PIP5K1B: variants seen among roughly 807,000 people sequenced by gnomAD.
PIP5K1B encodes phosphatidylinositol 4-phosphate 5-kinase type-1 beta.
PIP5K1B carries 42 observed loss-of-function variants against 67.0 expected under a neutral mutation model. That is an observed-to-expected ratio of 0.63 (90% CI 0.49 to 0.81). The LOEUF is 0.81. Among genes scored for constraint, PIP5K1B ranks in the 30% least tolerant of loss-of-function variants. The pLI is 0.00. For missense variants in PIP5K1B, 459 were observed against 646.3 expected (o/e 0.71, Z 3.14); for synonymous variants, 214 against 231.4 (o/e 0.92, Z 0.68).
chr9:68,762,778 C>G (rs1439613962), intron 2 of PIP5K1B, among the ~76,000 whole-genome samples: 1 of 152,108 alleles, frequency 6.6e-6, no homozygotes, highest in Non-Finnish European at 1.5e-5. Context: ...GTTTCAGCCA[C>G]TTAGTCACTT....
chr9:68,708,714 C>T (rs1322977904), intron 1 of PIP5K1B, among the ~76,000 whole-genome samples: 5 of 152,112 alleles, frequency 3.3e-5, no homozygotes, highest in African/African-American at 1.2e-4. Context: ...CTCGTGGTTT[C>T]AGAGGGGGAA....
At chr9:68,938,759 C>T (rs1242428656) in intron 13 of PIP5K1B, among the ~76,000 whole-genome samples, 4 of 152,094 alleles carry the variant, frequency 2.6e-5, no homozygotes. Context: ...GGGTGGAGAT[C>T]CCTGCTTCTT....
chr9:68,919,848 A>C, intron 11 of PIP5K1B, 119 bp downstream of exon 11: 2 of 584,670 alleles, frequency 3.4e-6, no homozygotes, highest in Admixed American at 3.3e-5. Context: ...CGGTCTTTAT[A>C]AACTCAGAAT....
intron 14 of PIP5K1B, among the ~76,000 whole-genome samples, chr9:68,944,536 C>A (rs1056988689): frequency 6.6e-6 from 1 of 152,210 alleles, no homozygotes; most frequent in Non-Finnish European, 1.5e-5. Flanking sequence ...GTGGCTATTT[C>A]TAACAGTTGG....
intron 6 of PIP5K1B, among the ~76,000 whole-genome samples, chr9:68,879,031 T>C (rs1824042915): frequency 6.6e-6 from 1 of 152,066 alleles, no homozygotes; most frequent in Admixed American, 6.6e-5. Context: ...TATTAAGAGA[T>C]AGGTCCAGGC....
At chr9:68,942,824 T>C (rs1827630716) in intron 14 of PIP5K1B, among the ~76,000 whole-genome samples, 1 of 152,214 alleles carries the variant, frequency 6.6e-6, no homozygotes, top group South Asian at 2.1e-4. Context: ...TATATTTCAC[T>C]ATCAATCAAG....
intron 6 of PIP5K1B, among the ~76,000 whole-genome samples, chr9:68,885,931 C>G (rs1294634316): frequency 2.0e-5 from 3 of 152,150 alleles, no homozygotes; most frequent in Non-Finnish European, 4.4e-5. Context: ...CCTGTAATCC[C>G]AGCACTTTGG....
intron 15 of PIP5K1B, among the ~76,000 whole-genome samples, chr9:68,998,412 C>T (rs991453390): frequency 4.6e-5 from 7 of 152,210 alleles, no homozygotes; most frequent in African/African-American, 9.6e-5. Flanking sequence ...TATTATTATA[C>T]ATCCAGGCGC....
intron 4 of PIP5K1B, among the ~76,000 whole-genome samples, chr9:68,830,295 C>T (rs1458402009): frequency 6.6e-6 from 1 of 152,172 alleles, no homozygotes; most frequent in Non-Finnish European, 1.5e-5. Context: ...CAGATCACCC[C>T]TCCAAACACT....
At chr9:68,718,709 AGT>A (rs903467048) in intron 1 of PIP5K1B, among the ~76,000 whole-genome samples, 10 of 152,328 alleles carry the variant, frequency 6.6e-5, no homozygotes, top group Admixed American at 1.3e-4. Flanking sequence ...TACAGAACAG[AGT>A]GTGTCTTTTA....
At chr9:68,720,828 A>G (rs1827847787) in intron 1 of PIP5K1B, among the ~76,000 whole-genome samples, 1 of 152,202 alleles carries the variant, frequency 6.6e-6, no homozygotes, top group Admixed American at 6.5e-5. Flanking sequence ...CGTGGCAGGA[A>G]ATCCTTAGAT....
At position 68,857,556 on chromosome 9, in the gene PIP5K1B, G is replaced by A. The variant is rs550203256; in HGVS notation, c.70-6281G>A. Among the ~76,000 whole-genome samples, 3 of 152,274 alleles carry A rather than the reference G, an allele frequency of 2.0e-5. No individual in the cohort carries two copies. In the East Asian group the frequency reaches 5.8e-4, roughly 29 times the overall value. Reference sequence around the variant, plus strand: ...GAGAGGAGGGAGAACCTGGAGCTGGGTTTGAGCTGTAGAAATGAAGGAACG... The same window carrying A: ...GAGAGGAGGGAGAACCTGGAGCTGGATTTGAGCTGTAGAAATGAAGGAACG... On this transcript the variant is annotated intron_variant, in intron 4 of 15. Transcript: ENST00000265382.
At chr9:68,884,194 A>G (rs181343142) in intron 6 of PIP5K1B, among the ~76,000 whole-genome samples, 65 of 152,312 alleles carry the variant, frequency 4.3e-4, no homozygotes, top group Non-Finnish European at 3.7e-4. Context: ...AAAGGAAACA[A>G]CAGAGTGAAG....
chr9:68,822,650 T>G lies in PIP5K1B; in HGVS notation c.36T>G (p.Pro12=), dbSNP rs1450568961. The part of the protein sequence containing the change: ...SSAAENGEAA[P]GKQNEEKTYK... Reference sequence around the variant, plus strand: ...CTGCTGAAAATGGAGAGGCAGCACCTGGAAAACAAAATGAAGAAAAAACCT... The same window carrying G: ...CTGCTGAAAATGGAGAGGCAGCACCGGGAAAACAAAATGAAGAAAAAACCT... Residue 12 remains proline, a synonymous_variant, in exon 4 of 16, where the codon CCT becomes CCG. Transcript: ENST00000265382. The G allele has an allele frequency of 6.2e-7, 1 of 1,613,450 alleles. No individual in the cohort carries two copies. The highest frequency in any genetic ancestry group is 1.3e-5 in the African/African-American group (1 of 75,036).
intron 2 of PIP5K1B, chr9:68,788,576 A>G (rs1239925997): frequency 3.8e-6 from 1 of 259,896 alleles, no homozygotes; most frequent in Non-Finnish European, 7.4e-6. Context: ...CTGGTTTGGA[A>G]TCTCCAATGT....
intron 2 of PIP5K1B, chr9:68,783,328 C>G (rs2132467314): frequency 6.0e-6 from 1 of 166,876 alleles, no homozygotes; most frequent in Non-Finnish European, 1.5e-5. Flanking sequence ...TTAAATATGT[C>G]ATGTACTTTT....
At chr9:68,874,397 G>A (rs1445185768) in intron 5 of PIP5K1B, among the ~76,000 whole-genome samples, 1 of 152,156 alleles carries the variant, frequency 6.6e-6, no homozygotes, top group Non-Finnish European at 1.5e-5. Context: ...CTGCTCTGCT[G>A]TGTGTACATG....
At chr9:68,955,811 C>T (rs2132713270) in intron 14 of PIP5K1B, among the ~76,000 whole-genome samples, 1 of 152,140 alleles carries the variant, frequency 6.6e-6, no homozygotes, top group East Asian at 1.9e-4. Context: ...TTATGACTAC[C>T]ATTAATTCAT....
chr9:68,882,809 T>TTA (rs1371759273), intron 6 of PIP5K1B, among the ~76,000 whole-genome samples: 1 of 152,176 alleles, frequency 6.6e-6, no homozygotes, highest in Admixed American at 6.5e-5. Context: ...GTCCACACCT[T>TTA]TATATTCCAG....
Sources: allele counts gnomAD v4.1 joint callset (sites outside exome capture counted in the v4.1 genomes callset), GRCh38; gene constraint gnomAD v4.1.1; transcripts MANE v1.5; gene names NCBI Gene and HGNC (gene_info 2026-07-23, HGNC 2026-07-21).